Variants in HMG20A observed in about 807,000 individuals in gnomAD.
The protein encoded by HMG20A is high mobility group 20A.
Under a neutral mutation model 43.9 loss-of-function variants are expected in HMG20A, and 17 were observed. The ratio of observed to expected loss-of-function variants is 0.39; its 90% CI spans 0.27 to 0.58. The LOEUF (loss-of-function observed/expected upper bound fraction) is 0.58, where lower values mean the gene tolerates loss of function less well. HMG20A is among the 20% of genes least tolerant of loss of function. The pLI is 0.59. For synonymous variants in HMG20A, 132 were observed against 147.5 expected, an observed-to-expected ratio of 0.89 and a Z score of 0.76; for missense variants, 341 against 438.2, an observed-to-expected ratio of 0.78 and a Z score of 1.98.
chr15:77,512,367 TG>T, the HMG20A span, among the ~76,000 whole-genome samples: 1 of 152,124 alleles, frequency 6.6e-6, no homozygotes, highest in African/African-American at 2.4e-5. Context: ...TTAATGCCAT[TG>T]AATGGTACAC....
chr15:77,518,797 A>T, the HMG20A span, among the ~76,000 whole-genome samples: 1 of 151,604 alleles, frequency 6.6e-6, no homozygotes, highest in African/African-American at 2.4e-5. Context: ...CTGGGAGCAC[A>T]CTCCTCCCAC....
At chr15:77,422,244 T>C (rs1296178482) in intron 1 of HMG20A, among the ~76,000 whole-genome samples, 1 of 152,218 alleles carries the variant, frequency 6.6e-6, no homozygotes, top group African/African-American at 2.4e-5. Flanking sequence ...GCAAGAATTT[T>C]TGAAGTAATA....
intron 1 of HMG20A, among the ~76,000 whole-genome samples, chr15:77,431,993 C>T (rs35892909): frequency 0.077 from 11,686 of 152,176 alleles, 561 homozygotes; most frequent in Non-Finnish European, 0.1. Context: ...AATAGTATTC[C>T]ATTGTGCGTA....
chr15:77,478,439 C>A lies in HMG20A; in HGVS notation c.836C>A (p.Thr279Lys), dbSNP rs1339165710. The A allele has an allele frequency of 6.2e-7, 1 of 1,612,478 alleles. No homozygotes were observed. Among genetic ancestry groups the A allele is most frequent in the Non-Finnish European group, 8.5e-7 (1 of 1,180,044 alleles). ...VDVIQERSRN[T>K]VLQQHLETLR... ...GTGATCCAGGAGCGGAGCCGCAACA[C>A]AGTCTTACAGCAGCACCTGGAGACC... The change falls in exon 8 of 10, where the codon ACA becomes AAA. Residue 279 changes from threonine (T) to lysine (K), a missense_variant. This residue lies in a region of HMG20A where 118 missense variants were observed against 154.5 expected (regional missense o/e 0.76). Transcript: ENST00000336216.
At chr15:77,437,970 G>T (rs189065150) in intron 1 of HMG20A, among the ~76,000 whole-genome samples, 2 of 151,232 alleles carry the variant, frequency 1.3e-5, no homozygotes, top group Admixed American at 6.6e-5. Flanking sequence ...AATTTTGTTC[G>T]TTTTTTTGAG....
At position 77,470,988 on chromosome 15, in the gene HMG20A, A is replaced by G; in HGVS notation, c.529A>G (p.Lys177Glu). ...ACAGTATCAGAAAACAGAGGCCTAC[A>G]AGGTCTTCAGTAGGAAAACCCAGGA... ...LEQYQKTEAY[K>E]VFSRKTQDRQ... Residue 177 changes from lysine (K) to glutamate (E), a missense_variant, in exon 5 of 10, where the codon AAG becomes GAG. By Grantham distance (56) the Lys-to-Glu change is moderately conservative (BLOSUM62 1). Coordinates refer to ENST00000336216, the MANE Select transcript of HMG20A (RefSeq NM_001304504.2). The G allele has an allele frequency of 2.5e-6, 4 of 1,613,516 alleles. No homozygotes were observed. The highest frequency in any genetic ancestry group is 2.2e-5 in the South Asian group (2 of 91,010).
downstream of HMG20A, among the ~76,000 whole-genome samples, chr15:77,486,684 A>G (rs114607748): frequency 5.2e-3 from 790 of 152,342 alleles, 9 homozygotes; most frequent in African/African-American, 0.018. Context: ...CTGCTCTCCA[A>G]GTAGCCATTT....
At chr15:77,465,738 A>G (rs982920455) in intron 3 of HMG20A, among the ~76,000 whole-genome samples, 2 of 152,220 alleles carry the variant, frequency 1.3e-5, no homozygotes, top group African/African-American at 4.8e-5. Flanking sequence ...GAAAAACCTA[A>G]TACCAAATAC....
chr15:77,422,650 G>A (rs185267809), intron 1 of HMG20A, among the ~76,000 whole-genome samples: 5 of 152,168 alleles, frequency 3.3e-5, no homozygotes, highest in African/African-American at 9.6e-5. Context: ...GTTTGGGTTA[G>A]GGTTCATTAG....
At chr15:77,424,966 A>G (rs570543143) in intron 1 of HMG20A, among the ~76,000 whole-genome samples, 6 of 152,148 alleles carry the variant, frequency 3.9e-5, no homozygotes, top group Non-Finnish European at 7.4e-5. Flanking sequence ...GGGGGGAAAA[A>G]AATCTGTACT....
chr15:77,464,191 G>T (rs754493186), intron 2 of HMG20A, 49 bp from the exon 3 acceptor site: 2 of 1,598,514 alleles, frequency 1.3e-6, no homozygotes, highest in South Asian at 1.1e-5. Context: ...TAGAACCTTA[G>T]TAAATAGGTG....
At chr15:77,455,159 A>T (rs1417966995) in intron 1 of HMG20A, among the ~76,000 whole-genome samples, 1 of 151,714 alleles carries the variant, frequency 6.6e-6, no homozygotes, top group Non-Finnish European at 1.5e-5. Context: ...GGAATAACAT[A>T]GTCACATTGG....
At position 77,457,839 on chromosome 15, in the gene HMG20A, C is replaced by T. The variant is rs139357196; in HGVS notation, c.-4-565C>T. ...TTTCCTTTTGGAGGGCTCAGTTTGCCATCATTTAATCTATAGATGATTCAT... is the reference window on the plus strand; with the variant it reads ...TTTCCTTTTGGAGGGCTCAGTTTGCTATCATTTAATCTATAGATGATTCAT... On this transcript the variant is annotated intron_variant, in intron 1 of 9. Coordinates refer to ENST00000336216, the MANE Select transcript of HMG20A (RefSeq NM_001304504.2). 7.2e-3 allele frequency among the ~76,000 whole-genome samples: 1,103 copies of T among 152,220 alleles called. 15 individuals carry two copies. Among genetic ancestry groups the T allele is most frequent in the African/African-American group, 0.025 (1,047 of 41,532 alleles).
At position 77,467,269 on chromosome 15, in the gene HMG20A, G is replaced by C. The variant is rs1253139090; in HGVS notation, c.412G>C (p.Gly138Arg). 6.2e-7 allele frequency: 1 copy of C among 1,613,952 alleles called. No homozygotes were observed. Among genetic ancestry groups the C allele is most frequent in the African/African-American group, 1.3e-5 (1 of 74,892 alleles). Residue 138 changes from glycine to arginine, a missense_variant, in exon 4 of 10, where the codon GGC becomes CGC. Physicochemically the swap from Gly to Arg is moderately radical, Grantham distance 125 (BLOSUM62 -2). Transcript: ENST00000336216. ...VPFPEITRML[G>R]NEWSKLPPEE... is the part of the protein sequence containing the mutation. Reference sequence around the variant, plus strand: ...ATTTCCAGAAATCACAAGGATGTTAGGCAATGAATGGAGTAAACTGCCTCC... The same window carrying C: ...ATTTCCAGAAATCACAAGGATGTTACGCAATGAATGGAGTAAACTGCCTCC...
the HMG20A span, among the ~76,000 whole-genome samples, chr15:77,518,631 A>AC: frequency 6.6e-6 from 1 of 152,240 alleles, no homozygotes; most frequent in South Asian, 2.1e-4. Context: ...AGGGTCCACA[A>AC]CCGAGCCATC....
the HMG20A span, among the ~76,000 whole-genome samples, chr15:77,493,794 C>T: frequency 6.6e-6 from 1 of 152,062 alleles, no homozygotes; most frequent in Non-Finnish European, 1.5e-5. Context: ...CATGGATGGT[C>T]CAGATACCAG....
At chr15:77,462,864 C>G (rs547533102) in intron 2 of HMG20A, among the ~76,000 whole-genome samples, 2 of 151,428 alleles carry the variant, frequency 1.3e-5, no homozygotes, top group East Asian at 3.9e-4. Context: ...CCTCCCCTTC[C>G]CAGGTTCAAG....
intron 6 of HMG20A, among the ~76,000 whole-genome samples, chr15:77,474,889 T>G (rs1157516807): frequency 1.3e-5 from 2 of 152,174 alleles, no homozygotes; most frequent in African/African-American, 4.8e-5. Context: ...AAGGGCCTCT[T>G]TTCTCTTAAC....
intron 1 of HMG20A, among the ~76,000 whole-genome samples, chr15:77,441,648 G>A (rs576323476): frequency 1.5e-4 from 23 of 152,192 alleles, no homozygotes; most frequent in African/African-American, 5.1e-4. Flanking sequence ...TTGTCTCCTT[G>A]TAGTTTATGC....
Sources: gnomAD v4.1 joint callset for allele counts (sites outside exome capture counted in the v4.1 genomes callset) on GRCh38, gnomAD v4.1.1 for gene constraint, gnomAD v4.1.1 regional missense constraint, MANE v1.5 for transcripts, NCBI Gene and HGNC (gene_info 2026-07-23, HGNC 2026-07-21) for gene names.